Variants in RGSL1 observed in about 807,000 individuals in gnomAD.
RGSL1 encodes the protein regulator of G protein signaling protein-like.
RGSL1 carries 97 observed loss-of-function variants against 124.7 expected under a neutral mutation model. That is an observed-to-expected ratio of 0.78 (90% CI 0.66 to 0.92). The LOEUF (loss-of-function observed/expected upper bound fraction) is 0.92. RGSL1 is among the 40% of genes least tolerant of loss of function. The pLI, the probability that RGSL1 is intolerant of heterozygous loss-of-function variation, is 0.00. For missense variants in RGSL1, 1,233 were observed against 1,288.4 expected, an observed-to-expected ratio of 0.96 and a Z score of 0.66; for synonymous variants, 424 against 438.1, an observed-to-expected ratio of 0.97 and a Z score of 0.40.
rs1044138749 is a variant in RGSL1 at position 182,527,788 on chromosome 1, T to C, written c.2125+16T>C. 6.5e-7 allele frequency: 1 copy of C among 1,536,076 alleles called. No homozygotes were observed. Among genetic ancestry groups the C allele is most frequent in the Non-Finnish European group, 8.8e-7 (1 of 1,137,548 alleles). On this transcript the variant is annotated intron_variant, in intron 11 of 21. Coordinates refer to ENST00000294854, the MANE Select transcript of RGSL1 (RefSeq NM_001137669.2). The stretch of plus-strand genomic sequence containing the variant: ...CTCTCTCCTGGTATGCATCCTCTTC[T>C]GATCCTGTTTTCTCTCTCTCTTTAG...
chr1:182,558,714 G>A (rs1661003675), intron 21 of RGSL1, among the ~76,000 whole-genome samples: 1 of 152,040 alleles, frequency 6.6e-6, no homozygotes, highest in Non-Finnish European at 1.5e-5. Flanking sequence ...GTCAAGTCCT[G>A]CCCGTTCTTT....
chr1:182,466,876 T>C (rs1412925999), intron 4 of RGSL1, among the ~76,000 whole-genome samples: 1 of 152,136 alleles, frequency 6.6e-6, no homozygotes, highest in Non-Finnish European at 1.5e-5. Context: ...TGAAAAAATT[T>C]CAAAAAAGCT....
Position 182,474,482 on chromosome 1 carries a change from A to G in RGSL1, c.1371A>G (p.Glu457=). ...LKSQTIQGLK[E]LLPSGDVIPW... Reference sequence around the variant, plus strand: ...CCCAAACCATTCAGGGCCTGAAGGAACTATTGCCCTCTGGGGATGTGATCC... The same window carrying G: ...CCCAAACCATTCAGGGCCTGAAGGAGCTATTGCCCTCTGGGGATGTGATCC... Residue 457 remains glutamate, a synonymous_variant, in exon 6 of 22, where the codon GAA becomes GAG. Transcript: ENST00000294854. 1 of 1,551,600 alleles carries G rather than the reference A, an allele frequency of 6.4e-7. No homozygotes were observed. The highest frequency in any genetic ancestry group is 8.7e-7 in the Non-Finnish European group (1 of 1,146,792).
At chr1:182,463,495 G>A (rs1308702481) in intron 4 of RGSL1, among the ~76,000 whole-genome samples, 1 of 152,012 alleles carries the variant, frequency 6.6e-6, no homozygotes, top group Non-Finnish European at 1.5e-5. Context: ...CCAAAAGAAA[G>A]CAGGGGTGCC....
At position 182,522,061 on chromosome 1, in the gene RGSL1, TG is replaced by T; in HGVS notation, c.1884del (p.Met628IlefsTer9). 1 of 1,549,834 alleles carries T rather than the reference TG, an allele frequency of 6.5e-7. No individual in the cohort carries two copies. Among genetic ancestry groups the T allele is most frequent in the Non-Finnish European group, 8.7e-7 (1 of 1,146,498 alleles). Reference sequence around the variant, plus strand: ...ACAGTTTCACGCTCAAATAGGAAAATGTCCTTGCTCAAAAGAACTCTTGTAA... The same window carrying T: ...ACAGTTTCACGCTCAAATAGGAAAATTCCTTGCTCAAAAGAACTCTTGTAA... ...TKTVSRSNRK[M>X]SLLKRTLVRK... On this transcript the variant is annotated frameshift_variant, in exon 10 of 22. Coordinates refer to ENST00000294854, the MANE Select transcript of RGSL1 (RefSeq NM_001137669.2). LOFTEE classifies it high-confidence loss of function.
At chr1:182,507,482 T>C (rs770401035) in intron 9 of RGSL1, among the ~76,000 whole-genome samples, 5 of 152,236 alleles carry the variant, frequency 3.3e-5, no homozygotes, top group Non-Finnish European at 5.9e-5. Flanking sequence ...CATGTGATAT[T>C]TGTCTTTCTG....
intron 4 of RGSL1, chr1:182,460,484 A>G (rs1257445333): frequency 2.7e-6 from 1 of 373,292 alleles, no homozygotes; most frequent in African/African-American, 2.1e-5. Flanking sequence ...GAACATAGTA[A>G]AATTGCCTAA....
At chr1:182,491,945 C>A (rs1374709625) in intron 8 of RGSL1, among the ~76,000 whole-genome samples, 1 of 152,150 alleles carries the variant, frequency 6.6e-6, no homozygotes, top group African/African-American at 2.4e-5. Flanking sequence ...CTCATTGTCT[C>A]ACCACATTTT....
intron 15 of RGSL1, among the ~76,000 whole-genome samples, chr1:182,546,347 CTTT>C (rs56229530): frequency 3.4e-5 from 5 of 149,138 alleles, no homozygotes; most frequent in African/African-American, 9.8e-5. Context: ...CTTTGTATAC[CTTT>C]TTTTTTTTTA....
At chr1:182,450,612 A>T (rs1470096847) in intron 1 of RGSL1, 1 of 230,418 alleles carries the variant, frequency 4.3e-6, no homozygotes, top group East Asian at 9.0e-5. Context: ...AAATGAGAGG[A>T]TGAGGAAGGG....
At position 182,532,709 on chromosome 1, in the gene RGSL1, G is replaced by C; in HGVS notation, c.2412G>C (p.Lys804Asn). 6.4e-7 allele frequency: 1 copy of C among 1,550,980 alleles called. No individual in the cohort carries two copies. The highest frequency in any genetic ancestry group is 8.7e-7 in the Non-Finnish European group (1 of 1,146,492). The change falls in exon 14 of 22, where the codon AAG becomes AAC. Residue 804 changes from lysine to asparagine, a missense_variant. Coordinates refer to ENST00000294854, the MANE Select transcript of RGSL1 (RefSeq NM_001137669.2). ...RMISFIRSFC[K>N]YRRFMLNPSK... is the part of the protein sequence containing the mutation. ...TCAGCTTTATCAGGAGTTTTTGCAAGTACCGCAGATTTATGTTGAATCCTA... is the reference window on the plus strand; with the variant it reads ...TCAGCTTTATCAGGAGTTTTTGCAACTACCGCAGATTTATGTTGAATCCTA...
chr1:182,516,954 T>C (rs925674684), intron 9 of RGSL1, among the ~76,000 whole-genome samples: 1 of 152,210 alleles, frequency 6.6e-6, no homozygotes, highest in African/African-American at 2.4e-5. Context: ...TACCTTCAAA[T>C]GTTTTTTCAT....
chr1:182,496,565 T>C (rs1045478040), intron 9 of RGSL1, among the ~76,000 whole-genome samples: 1 of 152,204 alleles, frequency 6.6e-6, no homozygotes, highest in Admixed American at 6.5e-5. Context: ...AGGTCTGTCA[T>C]AAACTCCATT....
intron 19 of RGSL1, 33 bp downstream of exon 19, chr1:182,553,574 G>T: frequency 2.6e-6 from 4 of 1,534,760 alleles, no homozygotes; most frequent in Non-Finnish European, 3.5e-6. Context: ...CTGATAGTTT[G>T]CTACTCAATC....
intron 6 of RGSL1, among the ~76,000 whole-genome samples, chr1:182,481,095 T>A (rs780533139): frequency 6.6e-6 from 1 of 151,776 alleles, no homozygotes; most frequent in Non-Finnish European, 1.5e-5. Context: ...AAGAAGAGGA[T>A]GAAGATTAGA....
intron 9 of RGSL1, among the ~76,000 whole-genome samples, chr1:182,497,224 T>G (rs1558310984): frequency 6.7e-6 from 1 of 148,406 alleles, no homozygotes; most frequent in African/African-American, 2.5e-5. Flanking sequence ...GAAAAAGAGA[T>G]AGAAAGATAG....
chr1:182,503,019 G>A (rs1383885191), intron 9 of RGSL1, among the ~76,000 whole-genome samples: 2 of 152,182 alleles, frequency 1.3e-5, no homozygotes, highest in Non-Finnish European at 1.5e-5. Flanking sequence ...ATGCTGGCAA[G>A]GATGTGGAGA....
chr1:182,476,576 A>G (rs1200900832), intron 6 of RGSL1, among the ~76,000 whole-genome samples: 2 of 152,180 alleles, frequency 1.3e-5, no homozygotes, highest in Non-Finnish European at 2.9e-5. Context: ...CTTGCCCCTC[A>G]TCAACTCATT....
intron 18 of RGSL1, among the ~76,000 whole-genome samples, chr1:182,552,287 G>T (rs146559664): frequency 6.6e-6 from 1 of 151,884 alleles, no homozygotes; most frequent in African/African-American, 2.4e-5. Flanking sequence ...CTAATTTTTC[G>T]TATTTTTAGT....
Sources: allele counts gnomAD v4.1 joint callset (sites outside exome capture counted in the v4.1 genomes callset), GRCh38; gene constraint gnomAD v4.1.1; transcripts MANE v1.5; gene names NCBI Gene and HGNC (gene_info 2026-07-23, HGNC 2026-07-21).